The following CHD1L variants were observed in gnomAD, a reference collection of about 807,000 sequenced individuals.
The protein encoded by CHD1L is chromodomain helicase DNA binding protein 1 like.
CHD1L carries 118 observed loss-of-function variants against 115.9 expected under a neutral mutation model. The ratio of observed to expected loss-of-function variants is 1.02; its 90% CI spans 0.88 to 1.19. CHD1L has a LOEUF of 1.19. Ranked by LOEUF, CHD1L falls within the 50% of genes most tolerant of loss-of-function variation. CHD1L has a pLI of 0.00. For synonymous variants in CHD1L, 411 were observed against 387.1 expected (o/e 1.06, Z -0.72); for missense variants, 1,179 against 1,065.3 (o/e 1.11, Z -1.49).
chr1:147,177,981 G>A, the CHD1L span: 1 of 546,938 alleles, frequency 1.8e-6, no homozygotes, highest in African/African-American at 2.0e-5. Flanking sequence ...TGCAAAATGG[G>A]ACCCTGAATC....
chr1:147,275,374 ACAG>A lies in CHD1L; in HGVS notation c.1298_1300del (p.Ala433del). On this transcript the variant is annotated inframe_deletion, in exon 13 of 23. Coordinates refer to ENST00000369258, the MANE Select transcript of CHD1L (RefSeq NM_004284.6). ...TTCAGGTGGAGTTGGCATGAACTTA[ACAG>A]CAGCAGATACTGTGATTTTTGTTGA... The A allele has an allele frequency of 3.7e-6, 6 of 1,613,878 alleles. No individual in the cohort carries two copies. Among genetic ancestry groups the A allele is most frequent in the Non-Finnish European group, 5.1e-6 (6 of 1,179,794 alleles).
Position 147,272,264 on chromosome 1 carries a change from T to C in CHD1L, c.1253T>C (p.Leu418Pro). Residue 418 changes from leucine to proline, a missense_variant, in exon 12 of 23, where the codon CTC becomes CCC. Coordinates refer to ENST00000369258, the MANE Select transcript of CHD1L (RefSeq NM_004284.6). ...GGACAGCAGCCCATTTTCGTTTTTC[T>C]CCTGAGTACTAGGGCAGGTAGGCTG... The part of the protein sequence containing the change: ...NFGQQPIFVF[L>P]LSTRAGGVGM... The C allele has an allele frequency of 6.2e-7, 1 of 1,613,406 alleles. No individual in the cohort carries two copies.
chr1:147,257,433 A>C (rs1670500194), intron 5 of CHD1L, among the ~76,000 whole-genome samples: 1 of 152,118 alleles, frequency 6.6e-6, no homozygotes, highest in African/African-American at 2.4e-5. Flanking sequence ...TTTTCTTAAG[A>C]TATACATTCC....
the CHD1L span, chr1:147,213,271 A>T: frequency 6.5e-7 from 1 of 1,544,962 alleles, no homozygotes; most frequent in South Asian, 1.3e-5. Flanking sequence ...GGTCACAGGC[A>T]TGGGTCAAGG....
At chr1:147,284,312 G>T in intron 15 of CHD1L, 39 bp from the exon 16 acceptor site, 1 of 1,465,246 alleles carries the variant, frequency 6.8e-7, no homozygotes, top group South Asian at 1.3e-5. Context: ...ATTTTTCCTT[G>T]GTATCTAACA....
the CHD1L span, chr1:147,224,293 G>A: frequency 5.5e-6 from 1 of 180,246 alleles, no homozygotes; most frequent in Non-Finnish European, 1.2e-5. Flanking sequence ...TAAATCTGTG[G>A]GTTTGAATCA....
upstream of CHD1L, among the ~76,000 whole-genome samples, chr1:147,238,305 C>T (rs1333375031): frequency 2.6e-5 from 4 of 152,206 alleles, no homozygotes; most frequent in African/African-American, 9.6e-5. Context: ...AGCTTTTATC[C>T]AATTTCCGTA....
At chr1:147,178,167 G>C in the CHD1L span, 4 of 1,610,508 alleles carry the variant, frequency 2.5e-6, no homozygotes, top group East Asian at 2.2e-5. Context: ...TTCTCGCCGC[G>C]GCCCGCCTCG....
chr1:147,243,526 C>G (rs2102214589), intron 1 of CHD1L, among the ~76,000 whole-genome samples: 1 of 152,202 alleles, frequency 6.6e-6, no homozygotes, highest in African/African-American at 2.4e-5. Flanking sequence ...CTTGCATGCC[C>G]CCCAGCCCTG....
intron 1 of CHD1L, among the ~76,000 whole-genome samples, chr1:147,245,226 C>T (rs1481569387): frequency 1.3e-5 from 2 of 152,150 alleles, no homozygotes; most frequent in African/African-American, 4.8e-5. Flanking sequence ...TGGTTGTAAA[C>T]GTGACTTGGC....
chr1:147,262,753 C>T (rs1672413420), intron 6 of CHD1L, among the ~76,000 whole-genome samples: 2 of 151,556 alleles, frequency 1.3e-5, no homozygotes, highest in South Asian at 4.2e-4. Flanking sequence ...TTGTTTACAT[C>T]TGTTTTCATT....
intron 1 of CHD1L, among the ~76,000 whole-genome samples, chr1:147,245,948 C>T (rs1042219420): frequency 2.0e-5 from 3 of 152,176 alleles, no homozygotes; most frequent in Non-Finnish European, 2.9e-5. Context: ...TGATGGTACA[C>T]TATCACAACA....
upstream of CHD1L, among the ~76,000 whole-genome samples, chr1:147,242,054 T>C (rs1664957979): frequency 6.6e-6 from 1 of 152,190 alleles, no homozygotes; most frequent in Non-Finnish European, 1.5e-5. Context: ...ACATCATAAA[T>C]CCACTCAAAG....
In CHD1L at chr1:147,272,264, T is replaced by A. The variant is rs147000841; in HGVS notation, c.1253T>A (p.Leu418His). ...GGACAGCAGCCCATTTTCGTTTTTCTCCTGAGTACTAGGGCAGGTAGGCTG... is the reference window on the plus strand; with the variant it reads ...GGACAGCAGCCCATTTTCGTTTTTCACCTGAGTACTAGGGCAGGTAGGCTG... ...NFGQQPIFVF[L>H]LSTRAGGVGM... The change falls in exon 12 of 23, where the codon CTC (leucine) becomes CAC (histidine). Residue 418 changes from leucine (L) to histidine (H), a missense_variant. Leu to His is a moderately conservative substitution (Grantham distance 99). Transcript: ENST00000369258. 1.5e-5 allele frequency: 25 copies of A among 1,613,406 alleles called. No individual in the cohort carries two copies. The highest frequency in any genetic ancestry group is 2.0e-5 in the Non-Finnish European group (23 of 1,179,316).
At chr1:147,270,873 G>A (rs587733817) in intron 10 of CHD1L, 59 bp from the exon 11 acceptor site, 1 of 1,443,398 alleles carries the variant, frequency 6.9e-7, no homozygotes, top group East Asian at 2.3e-5. Context: ...TTTGCCTGAG[G>A]GAAATTGACC....
At chr1:147,193,957 G>A in the CHD1L span, among the ~76,000 whole-genome samples, 3 of 151,610 alleles carry the variant, frequency 2.0e-5, no homozygotes, top group Non-Finnish European at 4.4e-5. Context: ...TAGGTGTGGT[G>A]TGGTGCTGAA....
the CHD1L span, among the ~76,000 whole-genome samples, chr1:147,196,620 T>C: frequency 1.3e-5 from 2 of 152,116 alleles, no homozygotes; most frequent in Non-Finnish European, 1.5e-5. Context: ...TTTAAAAAGA[T>C]GTATACATCT....
the CHD1L span, chr1:147,175,385 C>T: frequency 6.6e-6 from 1 of 152,156 alleles, no homozygotes; most frequent in Non-Finnish European, 1.5e-5. Flanking sequence ...TGTCCCCACC[C>T]AAATCTCATC....
the CHD1L span, among the ~76,000 whole-genome samples, chr1:147,191,696 A>G: frequency 6.6e-6 from 1 of 151,506 alleles, no homozygotes; most frequent in Non-Finnish European, 1.5e-5. Flanking sequence ...TATAAGGTGT[A>G]AGGAAGGGAT....
Sources: gnomAD v4.1 joint callset for allele counts (sites outside exome capture counted in the v4.1 genomes callset) on GRCh38, gnomAD v4.1.1 for gene constraint, MANE v1.5 for transcripts, NCBI Gene and HGNC (gene_info 2026-07-23, HGNC 2026-07-21) for gene names.